The following SATB2 variants were observed in gnomAD, a reference collection of about 807,000 sequenced individuals.
SATB2 encodes SATB homeobox 2, also known as DNA-binding protein SATB2.
SATB2 carries 1 observed loss-of-function variant against 73.4 expected under a neutral mutation model. The observed-to-expected ratio is 0.01, with a 90% confidence interval of 0.00 to 0.06. The LOEUF is 0.06. SATB2 is among the 10% of genes least tolerant of loss of function. The probability of loss-of-function intolerance (pLI) is 1.00; values close to 1 mark genes in which losing one functional copy is unlikely to be tolerated. For synonymous variants in SATB2, 397 were observed against 367.0 expected, an observed-to-expected ratio of 1.08 and a Z score of -0.93; for missense variants, 459 against 945.8, an observed-to-expected ratio of 0.49 and a Z score of 6.75.
intron 10 of SATB2, among the ~76,000 whole-genome samples, chr2:199,307,601 G>A (rs1208045750): frequency 1.3e-5 from 2 of 152,144 alleles, no homozygotes; most frequent in Non-Finnish European, 2.9e-5. Context: ...TTAAGTTTGG[G>A]CAATTCACTC....
chr2:199,463,996 C>T lies in SATB2; in HGVS notation c.-141+840G>A, dbSNP rs918573103. ...AACCAAGCGGAGAGGGCGAAAAAGC[C>T]CGCTGCGGGACCCACGGTCCCAGAC... is the stretch of plus-strand genomic sequence containing the variant. On this transcript the variant is annotated intron_variant, in intron 1 of 11. Coordinates refer to the SATB2 transcript ENST00000260926. The surrounding 1 kb of genome is among the most constrained non-coding windows in gnomAD (Gnocchi z 6.4). 1.2e-4 allele frequency among the ~76,000 whole-genome samples: 19 copies of T among 152,198 alleles called. No individual in the cohort carries two copies. Among genetic ancestry groups the T allele is most frequent in the African/African-American group, 4.1e-4 (17 of 41,464 alleles).
intron 6 of SATB2, among the ~76,000 whole-genome samples, chr2:199,362,194 T>C (rs1274151881): frequency 1.3e-5 from 2 of 152,204 alleles, no homozygotes; most frequent in Non-Finnish European, 2.9e-5. Flanking sequence ...ACATTCTGGA[T>C]AGCCACTTGT....
chr2:199,416,978 G>C (rs1691007846), intron 3 of SATB2, among the ~76,000 whole-genome samples: 1 of 151,908 alleles, frequency 6.6e-6, no homozygotes, highest in African/African-American at 2.4e-5. Context: ...GGAGCTTGCA[G>C]TGAGCGGAGA....
chr2:199,289,979 C>CT (rs764881471), intron 10 of SATB2, among the ~76,000 whole-genome samples: 19 of 152,254 alleles, frequency 1.2e-4, no homozygotes, highest in South Asian at 2.1e-4. Flanking sequence ...GAACATCTTG[C>CT]TAAAGGCCCT....
At position 199,308,901 on chromosome 2, in the gene SATB2, G is replaced by C; in HGVS notation, c.1599C>G (p.Thr533=). 1 of 1,614,134 alleles carries C rather than the reference G, an allele frequency of 6.2e-7. No individual in the cohort carries two copies. The highest frequency in any genetic ancestry group is 8.5e-7 in the Non-Finnish European group (1 of 1,180,004). ...GGATGGTACAGAGGTTTTCCCAGAGGGTGCGGTTTTCTGGGCTTGGGTTCT... is the reference window on the plus strand; with the variant it reads ...GGATGGTACAGAGGTTTTCCCAGAGCGTGCGGTTTTCTGGGCTTGGGTTCT... ...WKENPSPENR[T]LWENLCTIRR... The change falls in exon 10 of 11, where the codon ACC becomes ACG. Residue 533 remains threonine, a synonymous_variant. Transcript: ENST00000417098. The surrounding 1 kb of genome is among the most constrained non-coding windows in gnomAD (Gnocchi z 4.6).
chr2:199,301,127 A>T (rs1328575902), intron 10 of SATB2, among the ~76,000 whole-genome samples: 1 of 152,142 alleles, frequency 6.6e-6, no homozygotes, highest in Non-Finnish European at 1.5e-5. Context: ...TTCTACAGGA[A>T]AGTCACTAAA....
intron 6 of SATB2, among the ~76,000 whole-genome samples, chr2:199,351,670 T>C (rs1688823821): frequency 1.3e-5 from 2 of 151,882 alleles, no homozygotes; most frequent in Non-Finnish European, 2.9e-5. Context: ...ATTTCCTCAC[T>C]GAAAAAAAAG....
chr2:199,442,993 T>C (rs1160667143), intron 2 of SATB2, among the ~76,000 whole-genome samples: 2 of 150,176 alleles, frequency 1.3e-5, no homozygotes, highest in Non-Finnish European at 3.0e-5. Flanking sequence ...CTTTGTTAAG[T>C]AAAATTTCAT....
intron 3 of SATB2, among the ~76,000 whole-genome samples, chr2:199,402,313 A>C (rs1574593503): frequency 6.6e-6 from 1 of 152,270 alleles, no homozygotes; most frequent in South Asian, 2.1e-4. Flanking sequence ...TGAACCCGGA[A>C]GGTGGAGGTT....
chr2:199,356,075 C>G (rs1489791448), intron 6 of SATB2, among the ~76,000 whole-genome samples: 1 of 151,994 alleles, frequency 6.6e-6, no homozygotes, highest in African/African-American at 2.4e-5. Context: ...TCCAGAATCT[C>G]TGGCCTATGG....
intron 10 of SATB2, among the ~76,000 whole-genome samples, chr2:199,296,379 GT>G (rs1467835825): frequency 6.6e-6 from 1 of 152,140 alleles, no homozygotes; most frequent in Non-Finnish European, 1.5e-5. Context: ...CCTAATTCAT[GT>G]TGTAATAATT....
At position 199,272,375 on chromosome 2, in the gene SATB2, G is replaced by C. The variant is rs766332901; in HGVS notation, c.2038C>G (p.Leu680Val). ...TCAGCCACGTCCACCGCGGAGCCCA[G>C]GTGCTCTTTCAGCTTCCCGTGGTGC... ...VKHHGKLKEH[L>V]GSAVDVAEYK... The change falls in exon 11 of 11, where the codon CTG (leucine) becomes GTG (valine). Residue 680 changes from leucine to valine, a missense_variant. Leu to Val is a conservative substitution (Grantham distance 32, BLOSUM62 1). Transcript: ENST00000417098. The surrounding 1 kb of genome is among the most constrained non-coding windows in gnomAD (Gnocchi z 6.7). The C allele has an allele frequency of 1.2e-6, 2 of 1,614,196 alleles. No homozygotes were observed. The highest frequency in any genetic ancestry group is 3.3e-5 in the Admixed American group (2 of 60,028).
rs1416436157 is a variant in SATB2, at chr2:199,269,628, T to C, written c.*2583A>G. 1 of 152,098 alleles carries C rather than the reference T, an allele frequency of 6.6e-6. No individual in the cohort carries two copies. Among genetic ancestry groups the C allele is most frequent in the Non-Finnish European group, 1.5e-5 (1 of 67,978 alleles). 9.4% of individuals were successfully genotyped at this position (152,098 alleles called of 1,614,324 possible). ...TTGATTTACATGGAAAAAAGAACAT[T>C]TACAATATGTTAATCCTTATTCACA... On this transcript the variant is annotated 3_prime_UTR_variant, in exon 11 of 11. Coordinates refer to ENST00000417098, the MANE Select transcript of SATB2 (RefSeq NM_001172509.2).
At chr2:199,309,478 A>G (rs1687533568) in intron 9 of SATB2, among the ~76,000 whole-genome samples, 1 of 152,256 alleles carries the variant, frequency 6.6e-6, no homozygotes, top group African/African-American at 2.4e-5. Context: ...TAGAATGAAA[A>G]GAAATGTATA....
intron 7 of SATB2, among the ~76,000 whole-genome samples, chr2:199,333,713 A>C (rs1461298475): frequency 6.6e-6 from 1 of 152,178 alleles, no homozygotes; most frequent in African/African-American, 2.4e-5. Flanking sequence ...ATTAACCCCC[A>C]AAATGAAGTG....
At chr2:199,323,382 G>A (rs551136269) in intron 9 of SATB2, among the ~76,000 whole-genome samples, 5 of 151,764 alleles carry the variant, frequency 3.3e-5, no homozygotes, top group East Asian at 3.9e-4. Context: ...TAACAGAGTT[G>A]GACATTCCCC....
chr2:199,461,937 T>C (rs1334812729), upstream of SATB2, among the ~76,000 whole-genome samples: 1 of 152,194 alleles, frequency 6.6e-6, no homozygotes, highest in African/African-American at 2.4e-5. Context: ...TCAACCTTCC[T>C]TCCTAGAGGC....
In SATB2 at chr2:199,368,655, G is replaced by A. The variant is rs777062011; in HGVS notation, c.650C>T (p.Thr217Ile). 1.2e-6 allele frequency: 2 copies of A among 1,611,010 alleles called. No individual in the cohort carries two copies. The highest frequency in any genetic ancestry group is 1.3e-5 in the African/African-American group (1 of 74,696). ...NSTYYANVSA[T>I]KCQEFGRWYK... The stretch of plus-strand genomic sequence containing the variant: ...CCATCTCCCAAACTCCTGGCACTTG[G>A]TTGCTGACACATTGGCATAATATGT... Residue 217 changes from threonine (T) to isoleucine (I), a missense_variant, in exon 6 of 11, where the codon ACC (threonine) becomes ATC (isoleucine). By Grantham distance (89) the Thr-to-Ile change is moderately conservative. Around this residue, in one of 13 missense-constraint regions of SATB2, gnomAD observed 56 missense variants for 183.7 expected, o/e 0.30. Transcript: ENST00000417098.
intron 2 of SATB2, among the ~76,000 whole-genome samples, chr2:199,434,663 G>C (rs77466217): frequency 6.6e-6 from 1 of 152,088 alleles, no homozygotes; most frequent in Non-Finnish European, 1.5e-5. Context: ...AAGTCACATG[G>C]TCATGGTGAA....
Sources: allele counts gnomAD v4.1 joint callset (sites outside exome capture counted in the v4.1 genomes callset), GRCh38; gene constraint gnomAD v4.1.1; regional missense constraint gnomAD v4.1.1; non-coding constraint Gnocchi (gnomAD v3.1); transcripts MANE v1.5; gene names NCBI Gene and HGNC (gene_info 2026-07-23, HGNC 2026-07-21).